The following PHF19 variants were observed in gnomAD, a reference collection of about 807,000 sequenced individuals.
PHF19 encodes the protein polycomb like 3.
PHF19 carries 21 observed loss-of-function variants against 79.8 expected under a neutral mutation model. The observed-to-expected ratio is 0.26, with a 90% CI of 0.19 to 0.38. The LOEUF is 0.38. Ranked by LOEUF, PHF19 falls within the 10% of genes least tolerant of loss-of-function variation. The pLI is 1.00. For synonymous variants in PHF19, 273 were observed against 296.3 expected (o/e 0.92, Z 0.81); for missense variants, 445 against 744.2 (o/e 0.60, Z 4.68).
upstream of PHF19, among the ~76,000 whole-genome samples, chr9:120,898,091 G>A (rs529635464): frequency 6.6e-6 from 1 of 152,074 alleles, no homozygotes; most frequent in South Asian, 2.1e-4. Context: ...CACATTTCAC[G>A]TGTTGTGTGA....
chr9:120,877,356 C>A, upstream of PHF19: 5 of 981,204 alleles, frequency 5.1e-6, no homozygotes, highest in Non-Finnish European at 6.0e-6. Flanking sequence ...ATTGACGTCC[C>A]GCTTATGTAA....
intron 1 of PHF19, among the ~76,000 whole-genome samples, chr9:120,890,547 C>T (rs754026904): frequency 2.2e-4 from 34 of 152,142 alleles, no homozygotes; most frequent in Non-Finnish European, 2.2e-4. Flanking sequence ...TAATTCCTTC[C>T]TGGTTCCGAG....
intron 1 of PHF19, among the ~76,000 whole-genome samples, chr9:120,885,818 CCTT>C (rs1341933683): frequency 6.6e-6 from 1 of 152,120 alleles, no homozygotes; most frequent in Admixed American, 6.5e-5. Context: ...TGACATGTGA[CCTT>C]CTTATGAGTT....
At chr9:120,865,406 C>T (rs1392381570) in intron 9 of PHF19, among the ~76,000 whole-genome samples, 1 of 152,238 alleles carries the variant, frequency 6.6e-6, no homozygotes, top group Non-Finnish European at 1.5e-5. Flanking sequence ...TGGGCAGACC[C>T]ACTCCATGTT....
the PHF19 span, among the ~76,000 whole-genome samples, chr9:120,902,201 C>A: frequency 6.6e-6 from 1 of 152,264 alleles, no homozygotes; most frequent in East Asian, 1.9e-4. Context: ...GAGACTTCAT[C>A]CTGATGCTCA....
intron 1 of PHF19, among the ~76,000 whole-genome samples, chr9:120,886,187 GGACAT>G (rs936382057): frequency 5.3e-5 from 8 of 152,208 alleles, no homozygotes; most frequent in African/African-American, 1.9e-4. Context: ...CAGCTGTGTG[GGACAT>G]CCCTCAGGGT....
intron 1 of PHF19, among the ~76,000 whole-genome samples, chr9:120,887,255 G>C (rs60724556): frequency 0.058 from 8,878 of 152,084 alleles, 759 homozygotes; most frequent in African/African-American, 0.19. Context: ...AGGATTTCAA[G>C]ACCAGCCTGG....
intron 1 of PHF19, among the ~76,000 whole-genome samples, chr9:120,889,131 G>A (rs1304140309): frequency 6.6e-6 from 1 of 152,118 alleles, no homozygotes; most frequent in Non-Finnish European, 1.5e-5. Flanking sequence ...CCCACCTTAG[G>A]CCAATAACAG....
At position 120,862,756 on chromosome 9, in the gene PHF19, G is replaced by T; in HGVS notation, c.969-7C>A. The T allele has an allele frequency of 1.2e-6, 2 of 1,613,894 alleles. No homozygotes were observed. Among genetic ancestry groups the T allele is most frequent in the South Asian group, 1.1e-5 (1 of 91,080 alleles). On this transcript the variant is annotated splice_region_variant and splice_polypyrimidine_tract_variant and intron_variant, in intron 10 of 14. Transcript: ENST00000373896. The surrounding 1 kb of genome is among the most constrained non-coding windows in gnomAD (Gnocchi z 4.6). ...CTCCTTGCCGCAGAGGAACCTGGGG[G>T]TGGGCAGTGGGAGGAAGAAGCTCTG...
intron 1 of PHF19, among the ~76,000 whole-genome samples, chr9:120,886,587 C>T (rs1410231468): frequency 6.6e-6 from 1 of 152,192 alleles, no homozygotes; most frequent in Non-Finnish European, 1.5e-5. Context: ...GCCATGCACT[C>T]CTGGTGTGAC....
intron 6 of PHF19, among the ~76,000 whole-genome samples, chr9:120,867,269 A>C (rs924706757): frequency 4.6e-5 from 7 of 152,228 alleles, no homozygotes; most frequent in Non-Finnish European, 8.8e-5. Context: ...CCCTAACTTC[A>C]GAGGCTGTGC....
At chr9:120,865,942 C>T in intron 8 of PHF19, 86 bp downstream of exon 8, 1 of 1,583,836 alleles carries the variant, frequency 6.3e-7, no homozygotes. Context: ...GACCCAGTAG[C>T]TGGAAATGGA....
chr9:120,863,973 G>T, intron 10 of PHF19, 76 bp downstream of exon 10: 2 of 1,183,984 alleles, frequency 1.7e-6, no homozygotes, highest in South Asian at 1.3e-5. Context: ...AGCATAGCCT[G>T]AGCAAAGGCT....
upstream of PHF19, among the ~76,000 whole-genome samples, chr9:120,877,516 A>G (rs1243747144): frequency 6.6e-6 from 1 of 151,092 alleles, no homozygotes; most frequent in Non-Finnish European, 1.5e-5. Flanking sequence ...AGGAGCGGCC[A>G]CACCGCGGCG....
intron 14 of PHF19, among the ~76,000 whole-genome samples, 164 bp from the exon 15 acceptor site, chr9:120,858,450 A>G (rs2045410587): frequency 6.6e-6 from 1 of 152,180 alleles, no homozygotes; most frequent in African/African-American, 2.4e-5. Flanking sequence ...GGTGCCTGTT[A>G]TGTAGTCCCT....
chr9:120,881,438 T>A (rs944923924), upstream of PHF19, among the ~76,000 whole-genome samples: 5 of 152,080 alleles, frequency 3.3e-5, no homozygotes, highest in Admixed American at 2.6e-4. Context: ...TGAGTCACCG[T>A]GCCTGGCCCA....
Position 120,869,338 on chromosome 9 carries a change from G to A in PHF19, c.466-8C>T, listed in dbSNP as rs377523519. 9 of 1,610,656 alleles carry A rather than the reference G, an allele frequency of 5.6e-6. No homozygotes were observed. The highest frequency in any genetic ancestry group is 7.6e-6 in the Non-Finnish European group (9 of 1,179,146). ...CTTCAGCGCGCCGCCTTTCTGGGGG[G>A]AGACGAGGGCCCCAGTCAACCACCA... On this transcript the variant is annotated splice_region_variant and splice_polypyrimidine_tract_variant and intron_variant, in intron 5 of 14. Coordinates refer to ENST00000373896, the MANE Select transcript of PHF19 (RefSeq NM_015651.3). This position sits in a 1 kb window ranked among gnomAD's most constrained non-coding sequence, Gnocchi z 5.8.
Position 120,870,307 on chromosome 9 carries a change from C to T in PHF19, c.364+136G>A. 1 of 681,520 alleles carries T rather than the reference C, an allele frequency of 1.5e-6. No homozygotes were observed. The highest frequency in any genetic ancestry group is 2.6e-6 in the Non-Finnish European group (1 of 381,440). The allele number at this position is 681,520 out of a possible 1,614,324, so 42.2% of individuals were successfully genotyped here. The stretch of plus-strand genomic sequence containing the variant: ...CAAGCCCTCACTTACAGCAACTGGC[C>T]CCCTTTCACCCTGCAGTGCCAAGAG... On this transcript the variant is annotated intron_variant, in intron 4 of 14. Coordinates refer to ENST00000373896, the MANE Select transcript of PHF19 (RefSeq NM_015651.3). This position sits in a 1 kb window ranked among gnomAD's most constrained non-coding sequence, Gnocchi z 4.4.
chr9:120,877,489 AC>A (rs1160513184), upstream of PHF19, among the ~76,000 whole-genome samples: 1 of 149,706 alleles, frequency 6.7e-6, no homozygotes, highest in East Asian at 1.9e-4. Context: ...ACTAGCCAGG[AC>A]CCGGGCCCCC....
Sources: gnomAD v4.1 joint callset for allele counts (sites outside exome capture counted in the v4.1 genomes callset) on GRCh38, gnomAD v4.1.1 for gene constraint, Gnocchi (gnomAD v3.1) non-coding constraint, MANE v1.5 for transcripts, NCBI Gene and HGNC (gene_info 2026-07-23, HGNC 2026-07-21) for gene names.